Variants in MCHR2 observed in about 807,000 individuals in gnomAD.
MCHR2 encodes melanin-concentrating hormone receptor 2.
MCHR2 carries 15 observed loss-of-function variants against 24.8 expected under a neutral mutation model. That is an observed-to-expected ratio of 0.60 (90% CI 0.40 to 0.93). MCHR2 has a LOEUF of 0.93. MCHR2 is among the 40% of genes least tolerant of loss of function. The pLI, the probability that MCHR2 is intolerant of heterozygous loss-of-function variation, is 0.00. For synonymous variants in MCHR2, 151 were observed against 147.6 expected (o/e 1.02, Z -0.17); for missense variants, 386 against 408.7 (o/e 0.94, Z 0.48).
chr6:99,985,746 A>C (rs997839044), intron 1 of MCHR2, among the ~76,000 whole-genome samples: 3 of 152,136 alleles, frequency 2.0e-5, no homozygotes, highest in African/African-American at 7.2e-5. Flanking sequence ...AGGCAAAACT[A>C]TTCTGGACAT....
intron 5 of MCHR2, among the ~76,000 whole-genome samples, chr6:99,927,047 T>C (rs910399062): frequency 2.0e-5 from 3 of 152,178 alleles, no homozygotes; most frequent in Non-Finnish European, 4.4e-5. Context: ...TTCAGCTTTC[T>C]ACATATGGCT....
chr6:99,934,635 A>T, intron 4 of MCHR2, 118 bp from the exon 5 acceptor site: 1 of 923,912 alleles, frequency 1.1e-6, no homozygotes, highest in Non-Finnish European at 1.5e-6. Flanking sequence ...AGGGTCCAGG[A>T]TGAAAGTCCT....
intron 2 of MCHR2, among the ~76,000 whole-genome samples, chr6:99,952,797 TAGCAAAAA>T (rs1774990115): frequency 6.6e-6 from 1 of 152,134 alleles, no homozygotes; most frequent in African/African-American, 2.4e-5. Flanking sequence ...GTTAAAATCT[TAGCAAAAA>T]AATTAAAACT....
chr6:99,965,074 A>T (rs1582397877), intron 1 of MCHR2, among the ~76,000 whole-genome samples: 1 of 152,124 alleles, frequency 6.6e-6, no homozygotes. Context: ...ATTCAGAAGG[A>T]CCCTGATGAG....
At chr6:99,973,707 C>T (rs1486959157) in intron 1 of MCHR2, among the ~76,000 whole-genome samples, 2 of 152,104 alleles carry the variant, frequency 1.3e-5, no homozygotes, top group Non-Finnish European at 2.9e-5. Flanking sequence ...ACCGGTTTTT[C>T]CTTTCCATGT....
Position 99,947,853 on chromosome 6 carries a change from A to G in MCHR2, c.301T>C (p.Phe101Leu), listed in dbSNP as rs1163837065. The G allele has an allele frequency of 2.5e-6, 4 of 1,613,584 alleles. No individual in the cohort carries two copies. Among genetic ancestry groups the G allele is most frequent in the Non-Finnish European group, 3.4e-6 (4 of 1,179,796 alleles). ...ATGATGGTGCAGAGAGGCCCCCCAA[A>G]CACCCACTCTCCCCCTCGGGCCCAT... ...HQWARGGEWV[F>L]GGPLCTIITS... The change falls in exon 3 of 6, where the codon TTT becomes CTT. Residue 101 changes from phenylalanine to leucine, a missense_variant. Coordinates refer to ENST00000281806, the MANE Select transcript of MCHR2 (RefSeq NM_001040179.2).
At chr6:99,949,441 C>T (rs528516962) in intron 2 of MCHR2, among the ~76,000 whole-genome samples, 8 of 152,190 alleles carry the variant, frequency 5.3e-5, no homozygotes, top group African/African-American at 1.9e-4. Flanking sequence ...TAAGATTATG[C>T]CACAATTGCT....
chr6:99,966,289 A>G (rs1775295331), intron 1 of MCHR2, among the ~76,000 whole-genome samples: 1 of 152,142 alleles, frequency 6.6e-6, no homozygotes, highest in Admixed American at 6.6e-5. Flanking sequence ...GTGTCAATTA[A>G]AACTTCATGT....
chr6:99,963,027 A>G (rs186223108), intron 1 of MCHR2, among the ~76,000 whole-genome samples: 70 of 152,262 alleles, frequency 4.6e-4, no homozygotes, highest in African/African-American at 1.5e-3. Context: ...GGGAAATGCA[A>G]ATCAAAACCA....
At chr6:99,985,508 C>A (rs1775752926) in intron 1 of MCHR2, among the ~76,000 whole-genome samples, 1 of 152,046 alleles carries the variant, frequency 6.6e-6, no homozygotes, top group Non-Finnish European at 1.5e-5. Context: ...TACAGATAAC[C>A]CAGAAATAAA....
chr6:99,977,287 C>T (rs969586986), intron 1 of MCHR2, among the ~76,000 whole-genome samples: 4 of 152,180 alleles, frequency 2.6e-5, no homozygotes, highest in Non-Finnish European at 5.9e-5. Flanking sequence ...AGTTAGGGAG[C>T]TCAGACTCAA....
At chr6:99,989,870 G>A (rs1232498112) in intron 1 of MCHR2, among the ~76,000 whole-genome samples, 1 of 151,976 alleles carries the variant, frequency 6.6e-6, no homozygotes, top group East Asian at 1.9e-4. Flanking sequence ...TTGAAAAAAT[G>A]TTTTTATATG....
At chr6:99,964,473 C>G (rs1477217745) in intron 1 of MCHR2, among the ~76,000 whole-genome samples, 3 of 152,114 alleles carry the variant, frequency 2.0e-5, no homozygotes, top group African/African-American at 7.2e-5. Flanking sequence ...AGGAAACTTA[C>G]AATCATGGCA....
At chr6:99,950,107 G>A (rs2114532806) in intron 2 of MCHR2, among the ~76,000 whole-genome samples, 1 of 152,084 alleles carries the variant, frequency 6.6e-6, no homozygotes, top group South Asian at 2.1e-4. Context: ...TGGGAACAGT[G>A]CAGGCCATTA....
At chr6:99,984,570 A>T (rs1000835084) in intron 1 of MCHR2, among the ~76,000 whole-genome samples, 3 of 152,124 alleles carry the variant, frequency 2.0e-5, no homozygotes, top group Admixed American at 6.5e-5. Context: ...ACAGAATTTT[A>T]AAAAACCCTA....
intron 5 of MCHR2, among the ~76,000 whole-genome samples, chr6:99,930,836 A>C (rs1774506055): frequency 6.6e-6 from 1 of 152,294 alleles, no homozygotes; most frequent in South Asian, 2.1e-4. Flanking sequence ...TTCTTCTCTC[A>C]ACTCGTCAAA....
At chr6:99,962,956 T>C (rs1775224337) in intron 1 of MCHR2, among the ~76,000 whole-genome samples, 1 of 152,032 alleles carries the variant, frequency 6.6e-6, no homozygotes, top group African/African-American at 2.4e-5. Context: ...CAGACATTTA[T>C]CCAAAGACAA....
At chr6:99,926,360 T>A (rs1774357946) in intron 5 of MCHR2, among the ~76,000 whole-genome samples, 1 of 152,208 alleles carries the variant, frequency 6.6e-6, no homozygotes, top group Non-Finnish European at 1.5e-5. Flanking sequence ...AGTAATGGGA[T>A]GGCTGGGTCA....
intron 5 of MCHR2, among the ~76,000 whole-genome samples, chr6:99,927,550 G>A (rs574025648): frequency 6.1e-4 from 93 of 151,984 alleles, no homozygotes; most frequent in African/African-American, 1.1e-3. Context: ...GAGGTCCTTC[G>A]CGTCCCTTGT....
Sources: allele counts gnomAD v4.1 joint callset (sites outside exome capture counted in the v4.1 genomes callset), GRCh38; gene constraint gnomAD v4.1.1; transcripts MANE v1.5; gene names NCBI Gene and HGNC (gene_info 2026-07-23, HGNC 2026-07-21).